NCOA6: variants seen among roughly 807,000 people sequenced by gnomAD.
NCOA6 encodes nuclear receptor coactivator 6, also known as NRC RAP250.
In NCOA6, 49 loss-of-function variants were observed where a neutral mutation model predicts 171.4. That is an observed-to-expected ratio of 0.29 (90% CI 0.23 to 0.36). The LOEUF is 0.36. Ranked by LOEUF, NCOA6 falls within the 10% of genes least tolerant of loss-of-function variation. The pLI, the probability that NCOA6 is intolerant of heterozygous loss-of-function variation, is 1.00. For synonymous variants in NCOA6, 910 were observed against 927.5 expected (o/e 0.98, Z 0.34); for missense variants, 2,248 against 2,554.5 (o/e 0.88, Z 2.59).
At chr20:34,790,883 T>G (rs1340209997) in intron 2 of NCOA6, among the ~76,000 whole-genome samples, 1 of 148,374 alleles carries the variant, frequency 6.7e-6, no homozygotes, top group Non-Finnish European at 1.5e-5. Flanking sequence ...ACTCCTGACC[T>G]CAAGTGATAC....
In NCOA6 at chr20:34,750,333, A is replaced by G; in HGVS notation, c.1862T>C (p.Leu621Pro). 6.2e-7 allele frequency: 1 copy of G among 1,613,628 alleles called. No homozygotes were observed. The change falls in exon 9 of 15, where the codon CTG (leucine) becomes CCG (proline). Residue 621 changes from leucine (L) to proline (P), a missense_variant. This residue lies in a region of NCOA6 where 987 missense variants were observed against 1,104.7 expected (regional missense o/e 0.89). Coordinates refer to ENST00000359003, the MANE Select transcript of NCOA6 (RefSeq NM_014071.5). Reference sequence around the variant, plus strand: ...CACGATTTGCTGGTGCATGCCCATCAGCTGAGATGGTGGGCCCTGCTGGGG... The same window carrying G: ...CACGATTTGCTGGTGCATGCCCATCGGCTGAGATGGTGGGCCCTGCTGGGG... Reference protein sequence around the residue: ...GQPQQGPPSQLMGMHQQIVPS... With the variant: ...GQPQQGPPSQPMGMHQQIVPS...
intron 1 of NCOA6, among the ~76,000 whole-genome samples, chr20:34,802,169 TA>T (rs1300912156): frequency 6.6e-6 from 1 of 152,076 alleles, no homozygotes; most frequent in Non-Finnish European, 1.5e-5. Context: ...AACAACACAT[TA>T]AAAAATCATT....
chr20:34,717,947 A>C (rs1397906234), intron 14 of NCOA6, among the ~76,000 whole-genome samples: 1 of 152,118 alleles, frequency 6.6e-6, no homozygotes, highest in Non-Finnish European at 1.5e-5. Flanking sequence ...AGAAGTGGGT[A>C]GTGGGGTGTG....
chr20:34,768,373 G>A, intron 5 of NCOA6, 91 bp downstream of exon 5: 1 of 1,498,448 alleles, frequency 6.7e-7, no homozygotes, highest in South Asian at 1.2e-5. Flanking sequence ...AGTATGCCAT[G>A]AACCCCCACC....
intron 2 of NCOA6, among the ~76,000 whole-genome samples, chr20:34,789,941 T>A (rs1158606500): frequency 1.3e-5 from 2 of 151,544 alleles, no homozygotes; most frequent in Non-Finnish European, 2.9e-5. Flanking sequence ...AAAACAAAAT[T>A]TAAGAAAGGC....
intron 5 of NCOA6, among the ~76,000 whole-genome samples, chr20:34,759,989 G>T (rs2076767642): frequency 6.6e-6 from 1 of 152,068 alleles, no homozygotes; most frequent in Non-Finnish European, 1.5e-5. Context: ...GCTCCTAAGT[G>T]AGAATAGGTC....
At chr20:34,775,678 AAAAAAAAAAAAAAAG>A (rs1418915317) in intron 4 of NCOA6, among the ~76,000 whole-genome samples, 737 of 43,532 alleles carry the variant, frequency 0.017, 6 homozygotes, top group Middle Eastern at 0.073. Context: ...GTCTCAAAAA[AAAAAAAAAAAAAAAG>A]AAAAAAAAAA....
intron 10 of NCOA6, among the ~76,000 whole-genome samples, chr20:34,743,871 A>G (rs974545405): frequency 6.6e-6 from 1 of 152,238 alleles, no homozygotes; most frequent in Non-Finnish European, 1.5e-5. Context: ...TATTCTTTCA[A>G]CAGAAGTAAA....
chr20:34,720,516 C>T (rs759166765), intron 14 of NCOA6, among the ~76,000 whole-genome samples: 1 of 152,220 alleles, frequency 6.6e-6, no homozygotes, highest in Non-Finnish European at 1.5e-5. Flanking sequence ...TGATTAATGT[C>T]ACTGGTTCTC....
chr20:34,783,981 T>G (rs1365253519), intron 2 of NCOA6, among the ~76,000 whole-genome samples: 1 of 152,082 alleles, frequency 6.6e-6, no homozygotes, highest in Non-Finnish European at 1.5e-5. Context: ...CACTTATTTA[T>G]ATTATTAAAG....
At position 34,787,490 on chromosome 20, in the gene NCOA6, CA is replaced by C. The variant is rs1274839555; in HGVS notation, c.-50+4959del. ...ACAGTGAGCTATGATTGTGCCACTA[CA>C]CTCCAGCCTGGGTAAGAGAGCAAGT... On this transcript the variant is annotated intron_variant, in intron 2 of 14. Transcript: ENST00000359003. Among the ~76,000 whole-genome samples, 3 of 150,916 alleles carry C rather than the reference CA, an allele frequency of 2.0e-5. No homozygotes were observed. In the South Asian group the frequency reaches 6.3e-4, roughly 32 times the overall value.
At chr20:34,726,000 A>T (rs987378064) in intron 14 of NCOA6, among the ~76,000 whole-genome samples, 1 of 152,202 alleles carries the variant, frequency 6.6e-6, no homozygotes, top group Non-Finnish European at 1.5e-5. Context: ...TGAAGAGAAA[A>T]GGTGACTCAG....
rs142121277 is a variant in NCOA6, at chr20:34,740,471, C to T, written c.5785G>A (p.Ala1929Thr). 53 of 1,614,022 alleles carry T rather than the reference C, an allele frequency of 3.3e-5. No homozygotes were observed. Among genetic ancestry groups the T allele is most frequent in the Admixed American group, 2.8e-4 (17 of 59,992 alleles). Residue 1929 changes from alanine (A) to threonine (T), a missense_variant, in exon 11 of 15, where the codon GCC becomes ACC. This residue lies in a region of NCOA6 where 884 missense variants were observed against 941.9 expected (regional missense o/e 0.94). Transcript: ENST00000359003. ...TGATTGCTTTTTGTGGTCGGTACGG[C>T]GGAGATGAGCTCGGAGGGTACCAGA... The part of the protein sequence containing the change: ...TTLVPSELIS[A>T]VPTTKSNHGG...
chr20:34,818,359 AAAAAC>A (rs755898577), intron 1 of NCOA6, among the ~76,000 whole-genome samples: 5 of 152,152 alleles, frequency 3.3e-5, no homozygotes, highest in African/African-American at 9.7e-5. Flanking sequence ...GGTTCTATTT[AAAAAC>A]AAAACAAAAC....
At chr20:34,815,532 T>G (rs191625337) in intron 1 of NCOA6, among the ~76,000 whole-genome samples, 1 of 152,162 alleles carries the variant, frequency 6.6e-6, no homozygotes, top group East Asian at 1.9e-4. Context: ...ATGGAAAAAC[T>G]GAAGAAGTTT....
chr20:34,716,037 C>T (rs1473044982), intron 14 of NCOA6, among the ~76,000 whole-genome samples: 2 of 151,882 alleles, frequency 1.3e-5, no homozygotes, highest in Non-Finnish European at 2.9e-5. Flanking sequence ...GCCAACATGG[C>T]GAAACCCCAT....
At chr20:34,796,660 A>G (rs1422713515) in intron 1 of NCOA6, among the ~76,000 whole-genome samples, 1 of 152,058 alleles carries the variant, frequency 6.6e-6, no homozygotes, top group East Asian at 1.9e-4. Flanking sequence ...TAAAAAAAAT[A>G]AATAAAAAAT....
chr20:34,735,286 C>T (rs1196491257), intron 12 of NCOA6, among the ~76,000 whole-genome samples: 1 of 152,152 alleles, frequency 6.6e-6, no homozygotes, highest in Non-Finnish European at 1.5e-5. Context: ...GTGCTCCATT[C>T]CTACCCTTCT....
chr20:34,801,430 C>A (rs1049637808), intron 1 of NCOA6, among the ~76,000 whole-genome samples: 1 of 151,912 alleles, frequency 6.6e-6, no homozygotes. Context: ...AAAAGATAAA[C>A]AAAATTGACA....
Sources: gnomAD v4.1 joint callset for allele counts (sites outside exome capture counted in the v4.1 genomes callset) on GRCh38, gnomAD v4.1.1 for gene constraint, gnomAD v4.1.1 regional missense constraint, MANE v1.5 for transcripts, NCBI Gene and HGNC (gene_info 2026-07-23, HGNC 2026-07-21) for gene names.